The following SLC9A9 variants were observed in gnomAD, a reference collection of about 807,000 sequenced individuals.
The protein encoded by SLC9A9 is sodium/hydrogen exchanger 9.
Under a neutral mutation model 77.8 loss-of-function variants are expected in SLC9A9, and 62 were observed. That is an observed-to-expected ratio of 0.80 (90% CI 0.65 to 0.98). The LOEUF (loss-of-function observed/expected upper bound fraction) is 0.98. SLC9A9 is among the 50% of genes least tolerant of loss of function. The pLI, the probability that SLC9A9 is intolerant of heterozygous loss-of-function variation, is 0.00. For synonymous variants in SLC9A9, 320 were observed against 283.5 expected, an observed-to-expected ratio of 1.13 and a Z score of -1.29; for missense variants, 775 against 774.9, an observed-to-expected ratio of 1.00 and a Z score of 0.00.
chr3:143,718,492 T>G (rs1028525826), intron 4 of SLC9A9, among the ~76,000 whole-genome samples: 3 of 152,208 alleles, frequency 2.0e-5, no homozygotes, highest in Non-Finnish European at 4.4e-5. Flanking sequence ...CAGACACCAA[T>G]GTGCCCGCGA....
intron 4 of SLC9A9, among the ~76,000 whole-genome samples, chr3:143,742,987 G>A (rs138576592): frequency 2.7e-3 from 407 of 152,116 alleles, no homozygotes; most frequent in African/African-American, 9.4e-3. Flanking sequence ...TTCCTAGAAG[G>A]TCCTCTTCAG....
chr3:143,612,375 A>G (rs538469998), intron 6 of SLC9A9, among the ~76,000 whole-genome samples: 5 of 152,340 alleles, frequency 3.3e-5, no homozygotes, highest in African/African-American at 9.6e-5. Flanking sequence ...ATGCAATCCT[A>G]GTGTCCTCAG....
intron 12 of SLC9A9, among the ~76,000 whole-genome samples, chr3:143,444,540 G>A (rs534813793): frequency 7.2e-5 from 11 of 152,210 alleles, no homozygotes; most frequent in African/African-American, 2.6e-4. Context: ...ACTCTGGAGC[G>A]GGGTCCTTGA....
intron 14 of SLC9A9, among the ~76,000 whole-genome samples, chr3:143,275,830 T>C (rs1286268487): frequency 6.6e-6 from 1 of 152,218 alleles, no homozygotes; most frequent in African/African-American, 2.4e-5. Flanking sequence ...TTTCTTATAA[T>C]AGCTCTGTTA....
intron 4 of SLC9A9, among the ~76,000 whole-genome samples, chr3:143,776,184 T>C (rs1312287167): frequency 6.6e-6 from 1 of 152,208 alleles, no homozygotes; most frequent in African/African-American, 2.4e-5. Context: ...CAAATATGTG[T>C]TTATTTAAAA....
chr3:143,306,205 G>A (rs1044535077), intron 14 of SLC9A9, among the ~76,000 whole-genome samples: 2 of 152,196 alleles, frequency 1.3e-5, no homozygotes, highest in African/African-American at 4.8e-5. Flanking sequence ...GCACTGGACA[G>A]GAAAGCAGAG....
chr3:143,448,661 C>T (rs999017872), intron 12 of SLC9A9, among the ~76,000 whole-genome samples: 7 of 150,736 alleles, frequency 4.6e-5, no homozygotes, highest in African/African-American at 1.7e-4. Flanking sequence ...CATATTCTAC[C>T]CTTTGACTTT....
intron 8 of SLC9A9, among the ~76,000 whole-genome samples, chr3:143,572,005 G>A (rs1203354205): frequency 6.6e-6 from 1 of 152,130 alleles, no homozygotes; most frequent in African/African-American, 2.4e-5. Context: ...TGTACTACTC[G>A]GGGGTGAGTC....
chr3:143,828,843 C>T (rs908083948), intron 2 of SLC9A9, among the ~76,000 whole-genome samples: 19 of 152,164 alleles, frequency 1.2e-4, no homozygotes, highest in African/African-American at 2.9e-4. Flanking sequence ...GAAGAACAAA[C>T]GCAGCATCTC....
At chr3:143,522,832 G>T (rs2036335841) in intron 9 of SLC9A9, among the ~76,000 whole-genome samples, 1 of 152,028 alleles carries the variant, frequency 6.6e-6, no homozygotes, top group African/African-American at 2.4e-5. Context: ...ACTGTAAGAG[G>T]AAATATGCTA....
chr3:143,552,026 C>T (rs1289107787), intron 9 of SLC9A9, among the ~76,000 whole-genome samples: 1 of 152,210 alleles, frequency 6.6e-6, no homozygotes, highest in African/African-American at 2.4e-5. Context: ...CCTTCTTTCT[C>T]TATAACTACA....
intron 5 of SLC9A9, among the ~76,000 whole-genome samples, chr3:143,662,444 GGGACTTGTT>G: frequency 6.6e-6 from 1 of 152,208 alleles, no homozygotes; most frequent in Non-Finnish European, 1.5e-5. Context: ...TCATCTCACT[GGGACTTGTT>G]GGACAGTGGG....
intron 4 of SLC9A9, among the ~76,000 whole-genome samples, chr3:143,786,963 G>A (rs1482908479): frequency 6.6e-6 from 1 of 152,152 alleles, no homozygotes; most frequent in African/African-American, 2.4e-5. Flanking sequence ...GGAGAGGGGA[G>A]AAACAAGAGA....
At chr3:143,662,346 C>T (rs1224487399) in intron 5 of SLC9A9, among the ~76,000 whole-genome samples, 2 of 152,168 alleles carry the variant, frequency 1.3e-5, no homozygotes, top group Non-Finnish European at 2.9e-5. Context: ...TTCAAGATGG[C>T]CGAATAGGAA....
chr3:143,665,947 T>C (rs878912325), intron 5 of SLC9A9, among the ~76,000 whole-genome samples: 6 of 152,138 alleles, frequency 3.9e-5, no homozygotes, highest in Non-Finnish European at 8.8e-5. Context: ...TTGCAATCAA[T>C]AGAAAAAGAC....
intron 12 of SLC9A9, among the ~76,000 whole-genome samples, chr3:143,388,617 T>C (rs1471224662): frequency 6.6e-6 from 1 of 152,214 alleles, no homozygotes; most frequent in Non-Finnish European, 1.5e-5. Flanking sequence ...GTTGATGCTC[T>C]CCTTGTTAGT....
rs577611567 is a variant in SLC9A9, at chr3:143,683,847, G to A, written c.649+9345C>T. Among the ~76,000 whole-genome samples, 14 of 152,052 alleles carry A rather than the reference G, an allele frequency of 9.2e-5. No individual in the cohort carries two copies. In the South Asian group the frequency reaches 1.2e-3, roughly 14 times the overall value. On this transcript the variant is annotated intron_variant, in intron 5 of 15. Transcript: ENST00000316549. The stretch of plus-strand genomic sequence containing the variant: ...CTCACAAATGAATATAGTTGGTCAC[G>A]GGAGAACTAACCAGGTAGGAAGAAT...
At chr3:143,381,944 C>G in intron 13 of SLC9A9, 116 bp downstream of exon 13, 1 of 1,177,384 alleles carries the variant, frequency 8.5e-7, no homozygotes, top group Non-Finnish European at 1.3e-6. Flanking sequence ...GTTTTATCAG[C>G]AGAGGAAGCT....
At chr3:143,352,785 C>T (rs1396869055) in intron 14 of SLC9A9, among the ~76,000 whole-genome samples, 1 of 152,094 alleles carries the variant, frequency 6.6e-6, no homozygotes, top group Non-Finnish European at 1.5e-5. Flanking sequence ...CATTTTTATC[C>T]ACACAGAAAA....
Sources: gnomAD v4.1 joint callset for allele counts (sites outside exome capture counted in the v4.1 genomes callset) on GRCh38, gnomAD v4.1.1 for gene constraint, MANE v1.5 for transcripts, NCBI Gene and HGNC (gene_info 2026-07-23, HGNC 2026-07-21) for gene names.